The following CACNA2D1 variants were observed in gnomAD, a reference collection of about 807,000 sequenced individuals.
The protein encoded by CACNA2D1 is calcium voltage-gated channel auxiliary subunit alpha2delta 1, also known as voltage-dependent calcium channel subunit alpha-2/delta-1.
In CACNA2D1, 53 loss-of-function variants were observed where a neutral mutation model predicts 171.5. That is an observed-to-expected ratio of 0.31 (90% CI 0.25 to 0.39). CACNA2D1 has a LOEUF of 0.39. Among genes scored for constraint, CACNA2D1 ranks in the 10% least tolerant of loss-of-function variants. CACNA2D1 has a pLI of 1.00. For missense variants in CACNA2D1, 903 were observed against 1,299.8 expected, an observed-to-expected ratio of 0.69 and a Z score of 4.69; for synonymous variants, 442 against 443.1, an observed-to-expected ratio of 1.00 and a Z score of 0.03.
intron 1 of CACNA2D1, among the ~76,000 whole-genome samples, chr7:82,441,481 T>C (rs899129572): frequency 3.3e-5 from 5 of 152,170 alleles, no homozygotes; most frequent in African/African-American, 1.2e-4. Context: ...TGTGATGTCC[T>C]ACTTCCCATT....
At chr7:81,980,867 T>G (rs1796372804) in intron 24 of CACNA2D1, among the ~76,000 whole-genome samples, 1 of 152,068 alleles carries the variant, frequency 6.6e-6, no homozygotes, top group Non-Finnish European at 1.5e-5. Context: ...AGATTGCTCG[T>G]TTGGGAGGAT....
chr7:82,419,591 C>T (rs1439502221), intron 1 of CACNA2D1, among the ~76,000 whole-genome samples: 1 of 152,200 alleles, frequency 6.6e-6, no homozygotes, highest in Non-Finnish European at 1.5e-5. Flanking sequence ...ACACTTCCTG[C>T]TTTACCAAGC....
At position 82,408,361 on chromosome 7, in the gene CACNA2D1, T is replaced by C. The variant is rs188531464; in HGVS notation, c.95+35004A>G. 1.6e-3 allele frequency among the ~76,000 whole-genome samples: 238 copies of C among 152,162 alleles called. 1 individual carries two copies. The highest frequency in any genetic ancestry group is 5.4e-3 in the African/African-American group (223 of 41,512). On this transcript the variant is annotated intron_variant, in intron 1 of 38. Transcript: ENST00000356860. ...CTTTTTATCTCCTCTCATATCCCTT[T>C]ACACAAGGCAGCACAGCAGAGTGAG...
intron 38 of CACNA2D1, among the ~76,000 whole-genome samples, chr7:81,955,327 A>G (rs1793102882): frequency 6.6e-6 from 1 of 152,132 alleles, no homozygotes; most frequent in Admixed American, 6.6e-5. Context: ...ACTACATTGG[A>G]GCATAGACCA....
chr7:82,213,731 G>A (rs1258967149), intron 3 of CACNA2D1, among the ~76,000 whole-genome samples: 1 of 151,986 alleles, frequency 6.6e-6, no homozygotes, highest in African/African-American at 2.4e-5. Context: ...CTGGCACCTG[G>A]CTGACTTGTC....
chr7:81,969,414 T>C (rs1248700754), intron 28 of CACNA2D1, among the ~76,000 whole-genome samples: 2 of 151,384 alleles, frequency 1.3e-5, no homozygotes, highest in Non-Finnish European at 3.0e-5. Context: ...AGGTAAATAC[T>C]ACCTATGTGC....
intron 12 of CACNA2D1, among the ~76,000 whole-genome samples, chr7:82,024,142 T>C (rs1279905387): frequency 6.6e-6 from 1 of 151,650 alleles, no homozygotes; most frequent in East Asian, 1.9e-4. Context: ...AGATCCTAAC[T>C]TCAGTTTTTT....
At chr7:82,389,003 C>G (rs1233822902) in intron 1 of CACNA2D1, among the ~76,000 whole-genome samples, 2 of 151,784 alleles carry the variant, frequency 1.3e-5, no homozygotes, top group Admixed American at 6.6e-5. Flanking sequence ...GTAATCCCAG[C>G]TACTCGGGAG....
intron 3 of CACNA2D1, among the ~76,000 whole-genome samples, chr7:82,275,842 A>C (rs1292278931): frequency 6.6e-6 from 1 of 152,208 alleles, no homozygotes; most frequent in Non-Finnish European, 1.5e-5. Flanking sequence ...TGATTTTCTC[A>C]TGAAACATAA....
chr7:81,954,989 T>C (rs899716264), intron 38 of CACNA2D1, among the ~76,000 whole-genome samples: 1 of 152,182 alleles, frequency 6.6e-6, no homozygotes, highest in Non-Finnish European at 1.5e-5. Context: ...TGTAGACAGA[T>C]TATGTACCCA....
chr7:82,053,677 T>C (rs555527292), intron 10 of CACNA2D1, among the ~76,000 whole-genome samples: 6 of 152,192 alleles, frequency 3.9e-5, no homozygotes, highest in Non-Finnish European at 8.8e-5. Context: ...TATGACCTCA[T>C]CTTTCAAATG....
At chr7:82,298,838 G>A (rs376524306) in intron 3 of CACNA2D1, among the ~76,000 whole-genome samples, 184 of 151,896 alleles carry the variant, frequency 1.2e-3, no homozygotes, top group African/African-American at 4.3e-3. Flanking sequence ...CGAGGTGGGC[G>A]GATCACCTGC....
chr7:81,989,036 T>A (rs1200480062), intron 21 of CACNA2D1, among the ~76,000 whole-genome samples: 2 of 152,078 alleles, frequency 1.3e-5, no homozygotes, highest in Admixed American at 6.6e-5. Flanking sequence ...TCTGAAGAGA[T>A]GAAAAGTAAG....
chr7:82,365,539 G>C (rs1015346588), intron 1 of CACNA2D1, among the ~76,000 whole-genome samples: 1 of 152,168 alleles, frequency 6.6e-6, no homozygotes, highest in Non-Finnish European at 1.5e-5. Context: ...TTGTGAGTAA[G>C]GGATTCAAAT....
intron 1 of CACNA2D1, among the ~76,000 whole-genome samples, chr7:82,385,330 C>T (rs1004078382): frequency 6.6e-6 from 1 of 152,194 alleles, no homozygotes; most frequent in Non-Finnish European, 1.5e-5. Flanking sequence ...AAAAGACTTT[C>T]TCATACATAC....
intron 7 of CACNA2D1, among the ~76,000 whole-genome samples, chr7:82,074,922 T>C (rs1808776159): frequency 6.6e-6 from 1 of 152,108 alleles, no homozygotes; most frequent in Non-Finnish European, 1.5e-5. Context: ...TGCAGGTTTG[T>C]TACATAGGTA....
chr7:82,027,852 G>A (rs574746046), intron 12 of CACNA2D1: 1 of 151,806 alleles, frequency 6.6e-6, no homozygotes, highest in East Asian at 1.9e-4. Context: ...TATATTCAGT[G>A]GTCCCTGAAG....
At position 82,443,449 on chromosome 7, in the gene CACNA2D1, C is replaced by T; in HGVS notation, c.11G>A (p.Gly4Asp). The change falls in exon 1 of 39, where the codon GGC becomes GAC. Residue 4 changes from glycine to aspartate, a missense_variant. Physicochemically the swap from Gly to Asp is moderately conservative, Grantham distance 94. This residue lies in a region of CACNA2D1 where 41 missense variants were observed against 27.6 expected (regional missense o/e 1.49). Transcript: ENST00000356860. MAA[G>D]CLLALTLTLF... The stretch of plus-strand genomic sequence containing the variant: ...TGTCAGAGTCAAGGCCAGCAGGCAG[C>T]CAGCAGCCATCTTCGCGATCGAAGA... The T allele has an allele frequency of 4.4e-6, 7 of 1,607,492 alleles. No individual in the cohort carries two copies. Among genetic ancestry groups the T allele is most frequent in the Non-Finnish European group, 5.9e-6 (7 of 1,176,640 alleles).
At chr7:82,081,086 G>A (rs929560247) in intron 7 of CACNA2D1, among the ~76,000 whole-genome samples, 8 of 152,208 alleles carry the variant, frequency 5.3e-5, no homozygotes, top group Admixed American at 5.2e-4. Flanking sequence ...CTAGCAGGGA[G>A]AGCCTAGCCT....
Sources: allele counts gnomAD v4.1 joint callset (sites outside exome capture counted in the v4.1 genomes callset), GRCh38; gene constraint gnomAD v4.1.1; regional missense constraint gnomAD v4.1.1; transcripts MANE v1.5; gene names NCBI Gene and HGNC (gene_info 2026-07-23, HGNC 2026-07-21).